ATF2: variants seen among roughly 807,000 people sequenced by gnomAD.
The protein encoded by ATF2 is activating transcription factor 2, also known as cyclic AMP-dependent transcription factor ATF-2.
Under a neutral mutation model 60.6 loss-of-function variants are expected in ATF2, and 24 were observed. The observed-to-expected ratio is 0.40, with a 90% CI of 0.29 to 0.56. ATF2 has a LOEUF of 0.56. ATF2 is among the 20% of genes least tolerant of loss of function. The pLI is 0.54. For synonymous variants in ATF2, 206 were observed against 215.4 expected (o/e 0.96, Z 0.38); for missense variants, 433 against 607.7 (o/e 0.71, Z 3.02).
chr2:175,121,643 AGT>A (rs1696957805), intron 4 of ATF2, 103 bp from the exon 5 acceptor site: 1 of 809,572 alleles, frequency 1.2e-6, no homozygotes, highest in African/African-American at 1.8e-5. Flanking sequence ...CACCATTAAC[AGT>A]GAAATAGCAG....
chr2:175,075,141 C>T, intron 13 of ATF2: 1 of 1,058,686 alleles, frequency 9.4e-7, no homozygotes, highest in South Asian at 1.8e-5. Context: ...TAGTCTCTTA[C>T]AGATACAATC....
At chr2:175,163,184 TGCAA>T (rs1471360133) in intron 1 of ATF2, among the ~76,000 whole-genome samples, 1 of 1,456 alleles carries the variant, frequency 6.9e-4, no homozygotes, top group African/African-American at 1.5e-3. Flanking sequence ...AATAAATAAA[TGCAA>T]GCAAACATAC....
chr2:175,149,432 T>C (rs557144634), intron 2 of ATF2, among the ~76,000 whole-genome samples: 1 of 152,348 alleles, frequency 6.6e-6, no homozygotes, highest in Admixed American at 6.5e-5. Flanking sequence ...ACATTTTAAG[T>C]ACGTGAACTA....
At position 175,101,806 on chromosome 2, in the gene ATF2, TG is replaced by T. The variant is rs764993746; in HGVS notation, c.829-4214del. Among the ~76,000 whole-genome samples the T allele has an allele frequency of 2.0e-5, 3 of 152,270 alleles. No homozygotes were observed. The East Asian group carries it at 5.8e-4, about 29-fold the overall frequency. On this transcript the variant is annotated intron_variant, in intron 10 of 13. Transcript: ENST00000264110. ...TAATGTTTGCTCCATGCTGTTACAT[TG>T]ATTACAATGGGTCTGACTTGAAAAG... is the stretch of plus-strand genomic sequence containing the variant.
Position 175,074,534 on chromosome 2 carries a change from G to A in ATF2, c.*75C>T. ...TTACAACCACAGATTTCGCATAAAT[G>A]GAAACTGGTCTTTCCTTGATTTCCC... On this transcript the variant is annotated 3_prime_UTR_variant, in exon 14 of 14. Coordinates refer to ENST00000264110, the MANE Select transcript of ATF2 (RefSeq NM_001880.4). 1.4e-6 allele frequency: 2 copies of A among 1,468,802 alleles called. No individual in the cohort carries two copies. The highest frequency in any genetic ancestry group is 1.4e-5 in the South Asian group (1 of 73,938). The allele number at this position is 1,468,802 out of a possible 1,614,324, so 91.0% of individuals were successfully genotyped here. A position where few individuals can be genotyped will look rare whatever the true frequency, so the allele number is the denominator to read the frequency against.
intron 10 of ATF2, among the ~76,000 whole-genome samples, chr2:175,111,264 T>C (rs1434007168): frequency 4.6e-5 from 7 of 152,186 alleles, no homozygotes; most frequent in Non-Finnish European, 8.8e-5. Flanking sequence ...TGATCACATC[T>C]AGTTTCAGAT....
At chr2:175,103,641 T>C (rs148796516) in intron 10 of ATF2, among the ~76,000 whole-genome samples, 301 of 150,040 alleles carry the variant, frequency 2.0e-3, no homozygotes, top group East Asian at 9.2e-3. Context: ...GGCTACCCAC[T>C]GTGTGCAAAG....
At chr2:175,090,272 T>C (rs1694456193) in intron 12 of ATF2, among the ~76,000 whole-genome samples, 1 of 152,150 alleles carries the variant, frequency 6.6e-6, no homozygotes, top group Non-Finnish European at 1.5e-5. Flanking sequence ...CTGATGTTTG[T>C]TCTATATTCT....
At chr2:175,143,049 A>T (rs1264468759) in intron 2 of ATF2, among the ~76,000 whole-genome samples, 1 of 152,154 alleles carries the variant, frequency 6.6e-6, no homozygotes, top group Non-Finnish European at 1.5e-5. Context: ...TCAGAAGGAG[A>T]TCACTTGTTA....
chr2:175,161,151 G>C (rs2105363896), intron 1 of ATF2, among the ~76,000 whole-genome samples: 1 of 152,288 alleles, frequency 6.6e-6, no homozygotes, highest in African/African-American at 2.4e-5. Flanking sequence ...CTGAGAAGGG[G>C]TACATATGGA....
rs375877951 is a variant in ATF2 at position 175,120,965 on chromosome 2, C to T, written c.199+479G>A. Among the ~76,000 whole-genome samples the T allele has an allele frequency of 1.2e-4, 18 of 151,754 alleles. No individual in the cohort carries two copies. In the East Asian group the frequency reaches 3.3e-3, roughly 28 times the overall value. The stretch of plus-strand genomic sequence containing the variant: ...ACTGCATTGACTGAATTTAGAGCCT[C>T]CTTACTGAGAATATTTTACTAATAC... On this transcript the variant is annotated intron_variant, in intron 5 of 13. Transcript: ENST00000264110.
chr2:175,154,251 A>ATATT (rs879448060), intron 1 of ATF2, among the ~76,000 whole-genome samples: 7,558 of 148,818 alleles, frequency 0.051, 221 homozygotes, highest in East Asian at 0.11. Context: ...ATATATATAT[A>ATATT]TTTTTTACTT....
chr2:175,103,266 T>C (rs1222204234), intron 10 of ATF2, among the ~76,000 whole-genome samples: 1 of 152,212 alleles, frequency 6.6e-6, no homozygotes, highest in Non-Finnish European at 1.5e-5. Context: ...CTCCTGGGTG[T>C]TATCCTACCA....
At chr2:175,153,775 T>C (rs933641256) in intron 1 of ATF2, among the ~76,000 whole-genome samples, 5 of 140,880 alleles carry the variant, frequency 3.5e-5, no homozygotes, top group Admixed American at 1.5e-4. Flanking sequence ...GAGGTTGCAG[T>C]GAGTCGAGAT....
At chr2:175,128,408 G>C (rs1697498346) in intron 4 of ATF2, among the ~76,000 whole-genome samples, 1 of 152,002 alleles carries the variant, frequency 6.6e-6, no homozygotes, top group African/African-American at 2.4e-5. Context: ...GCTAAGGCAG[G>C]AGAATCACTT....
intron 2 of ATF2, among the ~76,000 whole-genome samples, chr2:175,145,866 G>C (rs1008920591): frequency 6.6e-6 from 1 of 151,886 alleles, no homozygotes; most frequent in South Asian, 2.1e-4. Flanking sequence ...AATAAAGAGG[G>C]TTCTATGAAC....
chr2:175,098,896 A>G (rs547850173), intron 10 of ATF2, among the ~76,000 whole-genome samples: 240 of 152,328 alleles, frequency 1.6e-3, no homozygotes, highest in Non-Finnish European at 2.9e-3. Flanking sequence ...ACTGAAGCAT[A>G]TATGAAAAGA....
At chr2:175,094,948 G>T (rs895560964) in intron 11 of ATF2, among the ~76,000 whole-genome samples, 4 of 152,064 alleles carry the variant, frequency 2.6e-5, no homozygotes, top group African/African-American at 9.7e-5. Flanking sequence ...TCTCAAAAAA[G>T]AAATATTTTA....
intron 10 of ATF2, among the ~76,000 whole-genome samples, chr2:175,110,118 C>A (rs916206268): frequency 6.6e-6 from 1 of 152,054 alleles, no homozygotes; most frequent in Non-Finnish European, 1.5e-5. Flanking sequence ...GGGGGGATCA[C>A]GAGGTCAGGA....
Sources: gnomAD v4.1 joint callset for allele counts (sites outside exome capture counted in the v4.1 genomes callset) on GRCh38, gnomAD v4.1.1 for gene constraint, MANE v1.5 for transcripts, NCBI Gene and HGNC (gene_info 2026-07-23, HGNC 2026-07-21) for gene names.